Variants in SLC15A2 observed in about 807,000 individuals in gnomAD.
The protein encoded by SLC15A2 is kidney H(+)/peptide cotransporter.
SLC15A2 carries 77 observed loss-of-function variants against 95.5 expected under a neutral mutation model. The observed-to-expected ratio is 0.81, with a 90% CI of 0.67 to 0.97. The LOEUF (loss-of-function observed/expected upper bound fraction) is 0.97, where lower values mean the gene tolerates loss of function less well. Among genes scored for constraint, SLC15A2 ranks in the 50% least tolerant of loss-of-function variants. SLC15A2 has a pLI of 0.00. For synonymous variants in SLC15A2, 306 were observed against 306.9 expected, an observed-to-expected ratio of 1.00 and a Z score of 0.03; for missense variants, 893 against 874.4, an observed-to-expected ratio of 1.02 and a Z score of -0.27.
chr3:121,921,250 C>T (rs1412913901), intron 7 of SLC15A2, among the ~76,000 whole-genome samples: 3 of 152,078 alleles, frequency 2.0e-5, no homozygotes, highest in South Asian at 2.1e-4. Flanking sequence ...AAGTGGGAAA[C>T]GGCAGGTTGA....
chr3:121,940,936 C>T lies in SLC15A2; in HGVS notation c.2119C>T (p.Pro707Ser). 1 of 1,614,154 alleles carries T rather than the reference C, an allele frequency of 6.2e-7. No homozygotes were observed. The highest frequency in any genetic ancestry group is 8.5e-7 in the Non-Finnish European group (1 of 1,180,008). Residue 707 changes from proline (P) to serine (S), a missense_variant, in exon 22 of 22, where the codon CCA becomes TCA. Physicochemically the swap from Pro to Ser is moderately conservative, Grantham distance 74 (BLOSUM62 -1). Transcript: ENST00000489711. ...TGTAAAGACAGAGGATATGCGGGGT[C>T]CAGCAGATAAGCACATTCCTCACAT... ...VPVKTEDMRG[P>S]ADKHIPHIQG... is the part of the protein sequence containing the mutation.
intron 2 of SLC15A2, among the ~76,000 whole-genome samples, chr3:121,896,741 G>T (rs999428126): frequency 1.3e-4 from 20 of 151,750 alleles, no homozygotes; most frequent in Non-Finnish European, 2.8e-4. Flanking sequence ...TAAGTGGGTG[G>T]AGCTGGGCAT....
In SLC15A2 at chr3:121,931,692, G is replaced by A. The variant is rs1280133095; in HGVS notation, c.1718G>A (p.Gly573Asp). The change falls in exon 19 of 22, where the codon GGT becomes GAT. Residue 573 changes from glycine (G) to aspartate (D), a missense_variant. By Grantham distance (94) the Gly-to-Asp change is moderately conservative. Coordinates refer to ENST00000489711, the MANE Select transcript of SLC15A2 (RefSeq NM_021082.4). ...TEDKNFSLNL[G>D]LLDFGAAYLF... ...GATAAGAACTTTTCTCTGAATTTGG[G>A]TCTTCTAGACTTTGGTGCAGCATAT... 6.2e-7 allele frequency: 1 copy of A among 1,613,600 alleles called. No individual in the cohort carries two copies. The highest frequency in any genetic ancestry group is 8.5e-7 in the Non-Finnish European group (1 of 1,179,628).
Position 121,907,105 on chromosome 3 carries a change from T to C in SLC15A2, c.336-4469T>C, listed in dbSNP as rs1709664554. On this transcript the variant is annotated intron_variant, in intron 3 of 21. Coordinates refer to ENST00000489711, the MANE Select transcript of SLC15A2 (RefSeq NM_021082.4). ...CTTGCTTATTTCATTTATTTGATCT[T>C]CCATCACTGATACCCTTTTTTCCAC... Among the ~76,000 whole-genome samples the C allele has an allele frequency of 2.6e-5, 4 of 152,244 alleles. No homozygotes were observed. The South Asian group carries it at 8.3e-4, about 31-fold the overall frequency.
Position 121,943,833 on chromosome 3 carries a change from A to C in SLC15A2, c.*2826A>C, listed in dbSNP as rs1710502515. On this transcript the variant is annotated 3_prime_UTR_variant, in exon 22 of 22. Coordinates refer to ENST00000489711, the MANE Select transcript of SLC15A2 (RefSeq NM_021082.4). ...GTAGACTGTTTCTCCTAGGCTACAA[A>C]CCTGCACAGCATGTTACTGTATTAA... The C allele has an allele frequency of 6.6e-6, 1 of 152,204 alleles. No homozygotes were observed. The highest frequency in any genetic ancestry group is 2.4e-5 in the African/African-American group (1 of 41,452). 9.4% of individuals were successfully genotyped at this position (152,204 alleles called of 1,614,324 possible).
Position 121,928,471 on chromosome 3 carries a change from G to C in SLC15A2, c.1257G>C (p.Leu419Phe). 1 of 1,614,176 alleles carries C rather than the reference G, an allele frequency of 6.2e-7. No individual in the cohort carries two copies. Among genetic ancestry groups the C allele is most frequent in the Non-Finnish European group, 8.5e-7 (1 of 1,180,000 alleles). The stretch of plus-strand genomic sequence containing the variant: ...CCCAGGAGGTTTTCCTACAAGTCTT[G>C]AATCTGGCAGATGATGAGGTGAAGG... Reference protein sequence around the residue: ...PGPQEVFLQVLNLADDEVKVT... With the variant: ...PGPQEVFLQVFNLADDEVKVT... Residue 419 changes from leucine (L) to phenylalanine (F), a missense_variant, in exon 15 of 22, where the codon TTG (leucine) becomes TTC (phenylalanine). By Grantham distance (22) the Leu-to-Phe change is conservative. Transcript: ENST00000489711.
intron 14 of SLC15A2, 157 bp from the exon 15 acceptor site, chr3:121,928,264 T>C (rs1710161110): frequency 1.2e-6 from 1 of 807,728 alleles, no homozygotes; most frequent in African/African-American, 1.7e-5. Context: ...CTCTCCAAGC[T>C]GCCTTTAGAG....
rs1445482695 is a variant in SLC15A2 at position 121,923,075 on chromosome 3, G to A, written c.903G>A (p.Arg301=). The change falls in exon 10 of 22, where the codon AGG becomes AGA. Residue 301 remains arginine, a synonymous_variant. Coordinates refer to ENST00000489711, the MANE Select transcript of SLC15A2 (RefSeq NM_021082.4). ...QLIMDVKALT[R]VLFLYIPLPM... is the part of the protein sequence containing the mutation. ...TTATGGATGTAAAGGCACTGACCAG[G>A]GTACTATTCCTTTATATCCCATTGC... 1.9e-6 allele frequency: 3 copies of A among 1,613,808 alleles called. No individual in the cohort carries two copies. Among genetic ancestry groups the A allele is most frequent in the Non-Finnish European group, 2.5e-6 (3 of 1,179,914 alleles).
chr3:121,938,811 C>T lies in SLC15A2; in HGVS notation c.1762-538C>T, dbSNP rs11918861. ...CAGCCACCTCCATGTCTCTTTTAAC[C>T]CTCCTGGCCAAAAGCAGCAACACTT... On this transcript the variant is annotated intron_variant, in intron 19 of 21. Coordinates refer to ENST00000489711, the MANE Select transcript of SLC15A2 (RefSeq NM_021082.4). Among the ~76,000 whole-genome samples the T allele has an allele frequency of 9.2e-3, 1,397 of 152,302 alleles. 21 individuals carry two copies. The highest frequency in any genetic ancestry group is 0.031 in the African/African-American group (1,297 of 41,558).
At chr3:121,920,168 T>G (rs1469135332) in intron 7 of SLC15A2, among the ~76,000 whole-genome samples, 1 of 152,232 alleles carries the variant, frequency 6.6e-6, no homozygotes, top group Non-Finnish European at 1.5e-5. Context: ...CTATTATCAC[T>G]CCACTGTCAC....
At chr3:121,932,659 AAG>A (rs994150252) in intron 19 of SLC15A2, among the ~76,000 whole-genome samples, 1 of 152,244 alleles carries the variant, frequency 6.6e-6, no homozygotes, top group East Asian at 1.9e-4. Flanking sequence ...GAATAAAAAA[AAG>A]AGAGAACATT....
intron 17 of SLC15A2, 114 bp downstream of exon 17, chr3:121,929,462 C>A (rs1286178408): frequency 1.8e-6 from 2 of 1,124,918 alleles, no homozygotes; most frequent in Non-Finnish European, 2.6e-6. Context: ...TCGTAGAATG[C>A]CAGGGGCACT....
intron 19 of SLC15A2, among the ~76,000 whole-genome samples, chr3:121,934,231 G>T (rs1180761573): frequency 6.6e-6 from 1 of 152,208 alleles, no homozygotes; most frequent in African/African-American, 2.4e-5. Context: ...GCTTAGGATT[G>T]ACTTGGCAAT....
chr3:121,922,186 G>A, intron 7 of SLC15A2, 34 bp from the exon 8 acceptor site: 1 of 1,566,564 alleles, frequency 6.4e-7, no homozygotes, highest in Non-Finnish European at 8.8e-7. Context: ...TAATAAATGA[G>A]AAGCTAAGAA....
rs557794430 is a variant in SLC15A2 at position 121,923,905 on chromosome 3, C to T, written c.1003-446C>T. Among the ~76,000 whole-genome samples the T allele has an allele frequency of 6.6e-5, 10 of 152,244 alleles. No homozygotes were observed. The East Asian group carries it at 9.7e-4, about 15-fold the overall frequency. ...CTGCAAAATATAATTTTACCTTTTC[C>T]CTTCCTCTGGCTGTCTCTTATTTAC... On this transcript the variant is annotated intron_variant, in intron 11 of 21. Transcript: ENST00000489711.
intron 3 of SLC15A2, among the ~76,000 whole-genome samples, chr3:121,903,574 G>T (rs906681230): frequency 6.6e-6 from 1 of 152,116 alleles, no homozygotes; most frequent in Non-Finnish European, 1.5e-5. Flanking sequence ...CATATGGCTA[G>T]CCAGTTTTCC....
chr3:121,923,247 T>G lies in SLC15A2; in HGVS notation c.983T>G (p.Ile328Ser), dbSNP rs1300661224. Reference protein sequence around the residue: ...QQGSRWTLQAIRMNRNLGFFV... With the variant: ...QQGSRWTLQASRMNRNLGFFV... The stretch of plus-strand genomic sequence containing the variant: ...GGTTCACGATGGACTTTGCAAGCCA[T>G]CAGGATGAATAGGAATTTGGTGAGT... The change falls in exon 11 of 22, where the codon ATC becomes AGC. Residue 328 changes from isoleucine to serine, a missense_variant. Coordinates refer to ENST00000489711, the MANE Select transcript of SLC15A2 (RefSeq NM_021082.4). The G allele has an allele frequency of 6.2e-7, 1 of 1,613,934 alleles. No individual in the cohort carries two copies. The highest frequency in any genetic ancestry group is 1.7e-5 in the Admixed American group (1 of 60,004).
rs780069098 is a variant in SLC15A2 at position 121,940,934 on chromosome 3, G to T, written c.2117G>T (p.Gly706Val). The change falls in exon 22 of 22, where the codon GGT becomes GTT. Residue 706 changes from glycine to valine, a missense_variant. Transcript: ENST00000489711. ...CCTGTAAAGACAGAGGATATGCGGG[G>T]TCCAGCAGATAAGCACATTCCTCAC... ...YVPVKTEDMR[G>V]PADKHIPHIQ... 9 of 1,614,148 alleles carry T rather than the reference G, an allele frequency of 5.6e-6. No homozygotes were observed. The highest frequency in any genetic ancestry group is 6.8e-6 in the Non-Finnish European group (8 of 1,180,002).
At chr3:121,924,913 T>C in intron 12 of SLC15A2, 32 bp from the exon 13 acceptor site, 1 of 1,459,168 alleles carries the variant, frequency 6.9e-7, no homozygotes, top group South Asian at 1.1e-5. Context: ...GGAGAATATT[T>C]GTAGCTAATC....
Sources: gnomAD v4.1 joint callset for allele counts (sites outside exome capture counted in the v4.1 genomes callset) on GRCh38, gnomAD v4.1.1 for gene constraint, MANE v1.5 for transcripts, NCBI Gene and HGNC (gene_info 2026-07-23, HGNC 2026-07-21) for gene names.